The following PCDH10 variants were observed in gnomAD, a reference collection of about 807,000 sequenced individuals.
The protein encoded by PCDH10 is protocadherin 10, also known as protocadherin-10.
PCDH10 carries 15 observed loss-of-function variants against 74.4 expected under a neutral mutation model. The ratio of observed to expected loss-of-function variants is 0.20; its 90% CI spans 0.13 to 0.31. The LOEUF (loss-of-function observed/expected upper bound fraction) is 0.31, where lower values mean the gene tolerates loss of function less well. Among genes scored for constraint, PCDH10 ranks in the 10% least tolerant of loss-of-function variants. PCDH10 has a pLI of 1.00. For synonymous variants in PCDH10, 619 were observed against 589.8 expected (o/e 1.05, Z -0.72); for missense variants, 1,260 against 1,390.2 (o/e 0.91, Z 1.49).
Position 133,151,332 on chromosome 4 carries a change from C to T in PCDH10, c.1192C>T (p.Leu398=). ...EENGQVQCEL[L]GDVPFRLKSS... is the part of the protein sequence containing the mutation. ...GAATGGGCAGGTGCAGTGCGAGCTA[C>T]TGGGAGACGTGCCTTTCCGCCTCAA... Residue 398 remains leucine (L), a synonymous_variant, in exon 1 of 5, where the codon CTG becomes TTG. Transcript: ENST00000264360. 6.2e-7 allele frequency: 1 copy of T among 1,614,172 alleles called. No individual in the cohort carries two copies. Among genetic ancestry groups the T allele is most frequent in the Non-Finnish European group, 8.5e-7 (1 of 1,180,022 alleles).
Position 133,151,852 on chromosome 4 carries a change from C to G in PCDH10, c.1712C>G (p.Ala571Gly), listed in dbSNP as rs547738392. 2 of 1,613,102 alleles carry G rather than the reference C, an allele frequency of 1.2e-6. No individual in the cohort carries two copies. Among genetic ancestry groups the G allele is most frequent in the Admixed American group, 3.3e-5 (2 of 60,032 alleles). The change falls in exon 1 of 5, where the codon GCC becomes GGC. Residue 571 changes from alanine to glycine, a missense_variant. Coordinates refer to ENST00000264360, the MANE Select transcript of PCDH10 (RefSeq NM_032961.3). ...NILIVDQNDN[A>G]PAIVAPLPGR... ...CTCATAGTGGATCAAAATGACAACGCCCCTGCCATCGTGGCGCCTCTACCA... is the reference window on the plus strand; with the variant it reads ...CTCATAGTGGATCAAAATGACAACGGCCCTGCCATCGTGGCGCCTCTACCA...
At position 133,151,738 on chromosome 4, in the gene PCDH10, A is replaced by G. The variant is rs142476647; in HGVS notation, c.1598A>G (p.Tyr533Cys). ...TTGTACGCCCTGCGCTCCTTCGACT[A>G]TGAGCAGCTGAAGGACTTCAGTTTT... ...GYLYALRSFD[Y>C]EQLKDFSFQV... Residue 533 changes from tyrosine (Y) to cysteine (C), a missense_variant, in exon 1 of 5, where the codon TAT (tyrosine) becomes TGT (cysteine). Tyr to Cys is a radical substitution (Grantham distance 194). This residue lies in a region of PCDH10 where 587 missense variants were observed against 616.9 expected (regional missense o/e 0.95). Coordinates refer to ENST00000264360, the MANE Select transcript of PCDH10 (RefSeq NM_032961.3). The G allele has an allele frequency of 9.9e-5, 160 of 1,613,028 alleles. No individual in the cohort carries two copies. Among genetic ancestry groups the G allele is most frequent in the Middle Eastern group, 3.3e-4 (2 of 6,084 alleles).
chr4:133,196,574 C>T (rs1218560615), downstream of PCDH10, among the ~76,000 whole-genome samples: 1 of 152,178 alleles, frequency 6.6e-6, no homozygotes, highest in Non-Finnish European at 1.5e-5. Context: ...CTGCATGATT[C>T]CTAAACCATA....
intron 4 of PCDH10, among the ~76,000 whole-genome samples, chr4:133,164,197 G>A (rs1727033730): frequency 6.6e-6 from 1 of 151,970 alleles, no homozygotes; most frequent in South Asian, 2.1e-4. Flanking sequence ...GTTATACAAA[G>A]AGAGAACAAA....
intron 4 of PCDH10, among the ~76,000 whole-genome samples, chr4:133,176,454 C>A (rs1578570527): frequency 6.6e-6 from 1 of 152,096 alleles, no homozygotes; most frequent in South Asian, 2.1e-4. Context: ...TTCAAGGCAA[C>A]CATATATTCA....
At chr4:133,181,810 C>A (rs560519571) in intron 4 of PCDH10, among the ~76,000 whole-genome samples, 103 of 152,036 alleles carry the variant, frequency 6.8e-4, no homozygotes, top group African/African-American at 2.3e-3. Context: ...TGTAAATAGC[C>A]ATACATTTAC....
downstream of PCDH10, among the ~76,000 whole-genome samples, chr4:133,199,232 G>T: frequency 6.6e-6 from 1 of 150,778 alleles, no homozygotes; most frequent in East Asian, 1.9e-4. Flanking sequence ...CGGTTGCAGT[G>T]AGCTGAGATT....
At chr4:133,176,922 G>A (rs1258543466) in intron 4 of PCDH10, among the ~76,000 whole-genome samples, 1 of 151,924 alleles carries the variant, frequency 6.6e-6, no homozygotes, top group Non-Finnish European at 1.5e-5. Flanking sequence ...ATAGGAAATA[G>A]CATATTATAT....
intron 2 of PCDH10, among the ~76,000 whole-genome samples, chr4:133,205,857 T>C (rs1000242137): frequency 1.3e-5 from 2 of 152,322 alleles, no homozygotes; most frequent in Admixed American, 6.5e-5. Context: ...ACTCTTTGCA[T>C]ATGCAATACT....
At chr4:133,155,139 C>G in intron 3 of PCDH10, 116 bp downstream of exon 3, 1 of 690,432 alleles carries the variant, frequency 1.4e-6, no homozygotes, top group Non-Finnish European at 2.6e-6. Context: ...GCTGGTAACT[C>G]TACAGAAAAA....
At position 133,150,536 on chromosome 4, in the gene PCDH10, TGA is replaced by T. The variant is rs767174174; in HGVS notation, c.400_401del (p.Ser134ArgfsTer48). 1.2e-6 allele frequency: 2 copies of T among 1,613,522 alleles called. No homozygotes were observed. Among genetic ancestry groups the T allele is most frequent in the African/African-American group, 2.7e-5 (2 of 74,768 alleles). Reference sequence around the variant, plus strand: ...AGCCAGACCTGACGGTGGAAATCTCTGAGAGCGCCACGCCAGGCACTCGCTTC... The same window carrying T: ...AGCCAGACCTGACGGTGGAAATCTCTGAGCGCCACGCCAGGCACTCGCTTC... ...PEPDLTVEIS[E>X]SATPGTRFPL... On this transcript the variant is annotated frameshift_variant, in exon 1 of 5. Coordinates refer to ENST00000264360, the MANE Select transcript of PCDH10 (RefSeq NM_032961.3). LOFTEE classifies it high-confidence loss of function.
chr4:133,153,222 C>T, intron 1 of PCDH10: 1 of 1,049,588 alleles, frequency 9.5e-7, no homozygotes, highest in Non-Finnish European at 1.2e-6. Context: ...GTCGCGTGTA[C>T]AAGTAAGCTA....
rs755124220 is a variant in PCDH10, at chr4:133,151,983, C to T, written c.1843C>T (p.Arg615Trp). Residue 615 changes from arginine to tryptophan, a missense_variant, in exon 1 of 5, where the codon CGG becomes TGG. Physicochemically the swap from Arg to Trp is moderately radical, Grantham distance 101 (BLOSUM62 -3). Around this residue, in one of 11 missense-constraint regions of PCDH10, gnomAD observed 587 missense variants for 616.9 expected, o/e 0.95. Transcript: ENST00000264360. ...AVDADDGENA[R>W]LTYSIVRGNE... ...GGACGCGGACGACGGCGAGAACGCCCGGCTCACTTACAGCATCGTGCGTGG... is the reference window on the plus strand; with the variant it reads ...GGACGCGGACGACGGCGAGAACGCCTGGCTCACTTACAGCATCGTGCGTGG... 1 of 1,612,658 alleles carries T rather than the reference C, an allele frequency of 6.2e-7. No homozygotes were observed. The highest frequency in any genetic ancestry group is 8.5e-7 in the Non-Finnish European group (1 of 1,179,794).
intron 4 of PCDH10, among the ~76,000 whole-genome samples, chr4:133,174,343 T>TA (rs1727252527): frequency 6.6e-6 from 1 of 151,778 alleles, no homozygotes. Flanking sequence ...CCTAGCTTGG[T>TA]AATGTGGAAG....
At position 133,189,750 on chromosome 4, in the gene PCDH10, A is replaced by C. The variant is rs924945225; in HGVS notation, c.3104-391A>C. Among the ~76,000 whole-genome samples, 10 of 152,088 alleles carry C rather than the reference A, an allele frequency of 6.6e-5. No individual in the cohort carries two copies. In the East Asian group the frequency reaches 1.9e-3, roughly 29 times the overall value. On this transcript the variant is annotated intron_variant, in intron 4 of 4. Coordinates refer to ENST00000264360, the MANE Select transcript of PCDH10 (RefSeq NM_032961.3). ...TATAGTTTATGAAATTAAATATAAA[A>C]CAAGTTATTTATAGATTTTGCTAGA...
intron 4 of PCDH10, among the ~76,000 whole-genome samples, chr4:133,166,178 A>G (rs906651407): frequency 4.6e-5 from 7 of 151,610 alleles, no homozygotes; most frequent in Non-Finnish European, 1.0e-4. Context: ...TCAAAGATTG[A>G]GTAAATAAAT....
chr4:133,160,466 G>A (rs576391028), intron 3 of PCDH10, among the ~76,000 whole-genome samples: 102 of 149,646 alleles, frequency 6.8e-4, no homozygotes, highest in Non-Finnish European at 1.2e-3. Context: ...CTCAACTTGT[G>A]TGAACTTTAC....
chr4:133,203,065 G>C (rs1426957384), intron 2 of PCDH10, among the ~76,000 whole-genome samples: 1 of 152,130 alleles, frequency 6.6e-6, no homozygotes, highest in African/African-American at 2.4e-5. Flanking sequence ...ATAATGGCCA[G>C]CTTGGTATGG....
chr4:133,200,979 A>G (rs1727897270), intron 2 of PCDH10, among the ~76,000 whole-genome samples: 1 of 142,156 alleles, frequency 7.0e-6, no homozygotes, highest in South Asian at 2.1e-4. Context: ...GGCCTAAAAA[A>G]CTAAAGACAG....
Sources: allele counts gnomAD v4.1 joint callset (sites outside exome capture counted in the v4.1 genomes callset), GRCh38; gene constraint gnomAD v4.1.1; regional missense constraint gnomAD v4.1.1; transcripts MANE v1.5; gene names NCBI Gene and HGNC (gene_info 2026-07-23, HGNC 2026-07-21).